The following OSBPL8 variants were observed in gnomAD, a reference collection of about 807,000 sequenced individuals.
The protein encoded by OSBPL8 is oxysterol binding protein like 8, also known as oxysterol-binding protein-related protein 8.
Under a neutral mutation model 125.5 loss-of-function variants are expected in OSBPL8, and 59 were observed. The observed-to-expected ratio is 0.47, with a 90% CI of 0.38 to 0.58. The LOEUF is 0.58. Among genes scored for constraint, OSBPL8 ranks in the 20% least tolerant of loss-of-function variants. The pLI is 0.00. For missense variants in OSBPL8, 758 were observed against 1,047.8 expected, an observed-to-expected ratio of 0.72 and a Z score of 3.82; for synonymous variants, 330 against 338.9, an observed-to-expected ratio of 0.97 and a Z score of 0.29.
intron 4 of OSBPL8, among the ~76,000 whole-genome samples, chr12:76,420,574 T>G (rs966283412): frequency 6.6e-6 from 1 of 151,966 alleles, no homozygotes; most frequent in African/African-American, 2.4e-5. Flanking sequence ...GAAAAAAATA[T>G]TTTTTTCAGG....
chr12:76,366,290 AG>A (rs1952412365), intron 21 of OSBPL8, among the ~76,000 whole-genome samples: 1 of 151,972 alleles, frequency 6.6e-6, no homozygotes, highest in Non-Finnish European at 1.5e-5. Flanking sequence ...TTTCTTTTTG[AG>A]TCAGTTTATG....
At chr12:76,479,760 C>T (rs1774331014) in intron 2 of OSBPL8, among the ~76,000 whole-genome samples, 3 of 152,082 alleles carry the variant, frequency 2.0e-5, no homozygotes, top group Admixed American at 6.5e-5. Flanking sequence ...AATAAACCAT[C>T]GTGTTTTTTC....
intron 4 of OSBPL8, among the ~76,000 whole-genome samples, chr12:76,444,792 T>C (rs1872569934): frequency 6.6e-6 from 1 of 152,170 alleles, no homozygotes; most frequent in African/African-American, 2.4e-5. Context: ...GTGAAATCTA[T>C]ATCTAAGCAA....
chr12:76,363,925 G>A (rs1221769099), intron 21 of OSBPL8, among the ~76,000 whole-genome samples: 1 of 152,204 alleles, frequency 6.6e-6, no homozygotes, highest in Non-Finnish European at 1.5e-5. Context: ...GGTCCTTAGA[G>A]CAATGCAAAT....
intron 21 of OSBPL8, among the ~76,000 whole-genome samples, chr12:76,367,373 T>G (rs182127335): frequency 6.6e-6 from 1 of 152,138 alleles, no homozygotes; most frequent in Non-Finnish European, 1.5e-5. Flanking sequence ...TGGTTACTAT[T>G]GGCCACCTCA....
chr12:76,425,910 A>G (rs1222396933), intron 4 of OSBPL8, among the ~76,000 whole-genome samples: 1 of 152,104 alleles, frequency 6.6e-6, no homozygotes, highest in African/African-American at 2.4e-5. Context: ...TCAGTTGTTA[A>G]ACTCTCAAAG....
At chr12:76,465,442 C>T (rs1369313453) in intron 2 of OSBPL8, among the ~76,000 whole-genome samples, 1 of 152,018 alleles carries the variant, frequency 6.6e-6, no homozygotes, top group Non-Finnish European at 1.5e-5. Context: ...CGCCTATAGT[C>T]CTAGCTACTC....
chr12:76,502,098 A>C (rs1055734554), intron 1 of OSBPL8, among the ~76,000 whole-genome samples: 3 of 152,174 alleles, frequency 2.0e-5, no homozygotes, highest in African/African-American at 7.2e-5. Context: ...GCATTTTGAA[A>C]ACTCAATTGT....
chr12:76,462,884 C>A (rs1302158323), intron 2 of OSBPL8, among the ~76,000 whole-genome samples: 1 of 151,912 alleles, frequency 6.6e-6, no homozygotes, highest in Non-Finnish European at 1.5e-5. Context: ...TGGAAGAGCA[C>A]GAAGGCCAAT....
intron 1 of OSBPL8, among the ~76,000 whole-genome samples, chr12:76,512,737 T>G (rs1034149807): frequency 6.6e-6 from 1 of 152,254 alleles, no homozygotes; most frequent in African/African-American, 2.4e-5. Flanking sequence ...TGATAGTAGT[T>G]TGATAGCAAC....
At chr12:76,380,539 A>AAAC (rs1565843455) in intron 15 of OSBPL8, among the ~76,000 whole-genome samples, 23 of 151,100 alleles carry the variant, frequency 1.5e-4, no homozygotes, top group Admixed American at 1.2e-3. Context: ...AAAAAAAAAA[A>AAAC]AAAAAAAACC....
At position 76,386,276 on chromosome 12, in the gene OSBPL8, A is replaced by G; in HGVS notation, c.1435-10T>C. 1 of 1,580,160 alleles carries G rather than the reference A, an allele frequency of 6.3e-7. No homozygotes were observed. The highest frequency in any genetic ancestry group is 8.6e-7 in the Non-Finnish European group (1 of 1,169,442). ...AAGGTTTCTTCAGTCCCTGGTAAAAAAAAAAAAAAGCAATTTCAAATTACA... is the reference window on the plus strand; with the variant it reads ...AAGGTTTCTTCAGTCCCTGGTAAAAGAAAAAAAAAGCAATTTCAAATTACA... On this transcript the variant is annotated splice_polypyrimidine_tract_variant and intron_variant, in intron 13 of 23. Coordinates refer to ENST00000261183, the MANE Select transcript of OSBPL8 (RefSeq NM_020841.5).
intron 1 of OSBPL8, among the ~76,000 whole-genome samples, chr12:76,541,858 AAAATAAAAAT>A (rs1232212935): frequency 1.8e-4 from 28 of 152,236 alleles, no homozygotes; most frequent in Middle Eastern, 6.8e-3. Flanking sequence ...TCTGTCTCAA[AAAATAAAAAT>A]AAATAAAAAT....
intron 1 of OSBPL8, among the ~76,000 whole-genome samples, chr12:76,541,087 A>G (rs894080936): frequency 6.6e-6 from 1 of 152,242 alleles, no homozygotes; most frequent in Non-Finnish European, 1.5e-5. Context: ...TCTAAGACAC[A>G]TAACGCAAGA....
At chr12:76,525,396 A>G (rs1950144625) in intron 1 of OSBPL8, among the ~76,000 whole-genome samples, 1 of 152,244 alleles carries the variant, frequency 6.6e-6, no homozygotes, top group South Asian at 2.1e-4. Context: ...TTTATTTGAC[A>G]TGACCATTAC....
At chr12:76,371,357 T>C (rs1183916288) in intron 19 of OSBPL8, 91 bp downstream of exon 19, 7 of 1,345,546 alleles carry the variant, frequency 5.2e-6, no homozygotes, top group Middle Eastern at 2.0e-4. Context: ...AATTAAGATA[T>C]GACAGAAGGT....
In OSBPL8 at chr12:76,495,027, A is replaced by G. The variant is rs190692321; in HGVS notation, c.-67-7409T>C. Among the ~76,000 whole-genome samples, 22 of 152,326 alleles carry G rather than the reference A, an allele frequency of 1.4e-4. No homozygotes were observed. The East Asian group carries it at 4.0e-3, about 28-fold the overall frequency. ...CGGGGCCACTAATTAAATTAAAAAT[A>G]AAAAGCTCATTACCAGTGTTACCTG... is the stretch of plus-strand genomic sequence containing the variant. On this transcript the variant is annotated intron_variant, in intron 1 of 23. Transcript: ENST00000261183.
rs368345503 is a variant in OSBPL8, at chr12:76,493,445, G to C, written c.-67-5827C>G. On this transcript the variant is annotated intron_variant, in intron 1 of 23. Transcript: ENST00000261183. ...TTAACTCCCTCTGCTTTTCTTTTCT[G>C]GGAAAGTCTTCACGCCTCCCTAATT... is the stretch of plus-strand genomic sequence containing the variant. 2.6e-5 allele frequency among the ~76,000 whole-genome samples: 4 copies of C among 152,038 alleles called. 1 individual carries two copies. Among genetic ancestry groups the C allele is most frequent in the East Asian group, 1.9e-4 (1 of 5,196 alleles).
At chr12:76,520,208 A>G (rs1364433130) in intron 1 of OSBPL8, among the ~76,000 whole-genome samples, 1 of 152,228 alleles carries the variant, frequency 6.6e-6, no homozygotes, top group Non-Finnish European at 1.5e-5. Flanking sequence ...ATGTATATTG[A>G]TATCACGCTA....
Sources: gnomAD v4.1 joint callset for allele counts (sites outside exome capture counted in the v4.1 genomes callset) on GRCh38, gnomAD v4.1.1 for gene constraint, MANE v1.5 for transcripts, NCBI Gene and HGNC (gene_info 2026-07-23, HGNC 2026-07-21) for gene names.